PEX11G: variants seen among roughly 807,000 people sequenced by gnomAD.
PEX11G encodes peroxisomal membrane protein 11C.
In PEX11G, 20 loss-of-function variants were observed where a neutral mutation model predicts 22.5. That is an observed-to-expected ratio of 0.89 (90% CI 0.62 to 1.29). PEX11G has a LOEUF of 1.29. Ranked by LOEUF, PEX11G falls within the 50% of genes most tolerant of loss-of-function variation. The pLI is 0.00. For synonymous variants in PEX11G, 141 were observed against 154.5 expected, an observed-to-expected ratio of 0.91 and a Z score of 0.65; for missense variants, 347 against 331.3, an observed-to-expected ratio of 1.05 and a Z score of -0.37.
At chr19:7,487,430 G>T (rs115602406) in intron 1 of PEX11G, among the ~76,000 whole-genome samples, 2,728 of 152,250 alleles carry the variant, frequency 0.018, 84 homozygotes, top group African/African-American at 0.063. Flanking sequence ...TCACTACTCA[G>T]ATCTTTTTTC....
Position 7,477,018 on chromosome 19 carries a change from G to A in PEX11G, c.*184C>T. 2.1e-6 allele frequency: 1 copy of A among 469,284 alleles called. No homozygotes were observed. The highest frequency in any genetic ancestry group is 3.5e-6 in the Non-Finnish European group (1 of 281,952). 29.1% of individuals were successfully genotyped at this position (469,284 alleles called of 1,614,324 possible). On this transcript the variant is annotated 3_prime_UTR_variant, in exon 5 of 5. Transcript: ENST00000221480. ...AAGCCCTGCACGGCCCCTGAAAACT[G>A]TCACGGCTCAGGAGCTCCAGGCTGA...
At chr19:7,478,163 G>T in intron 4 of PEX11G, 151 bp downstream of exon 4, 1 of 778,564 alleles carries the variant, frequency 1.3e-6, no homozygotes, top group Non-Finnish European at 2.0e-6. Context: ...ATCTGTAAAA[G>T]GTACCGCCAC....
chr19:7,486,592 T>G (rs1051321594), intron 1 of PEX11G, among the ~76,000 whole-genome samples: 1 of 151,922 alleles, frequency 6.6e-6, no homozygotes, highest in Non-Finnish European at 1.5e-5. Context: ...CAAGACCCTG[T>G]GTCTACCAAA....
rs1260006393 is a variant in PEX11G, at chr19:7,482,024, G to A, written c.428+9C>T. The A allele has an allele frequency of 1.3e-6, 2 of 1,583,928 alleles. No homozygotes were observed. The highest frequency in any genetic ancestry group is 1.8e-5 in the Admixed American group (1 of 55,706). On this transcript the variant is annotated intron_variant, in intron 3 of 4. Transcript: ENST00000221480. ...CCTTGGGTGCTCCCTTCTGGCCCAT[G>A]CCACTTACCTGGCAACCCCCAGGAG... is the stretch of plus-strand genomic sequence containing the variant.
At chr19:7,482,284 A>G (rs879161243) in intron 2 of PEX11G, 73 bp from the exon 3 acceptor site, 1 of 1,435,778 alleles carries the variant, frequency 7.0e-7, no homozygotes, top group South Asian at 1.4e-5. Flanking sequence ...TAGCCATGCC[A>G]GGTGGCAGAG....
intron 3 of PEX11G, among the ~76,000 whole-genome samples, chr19:7,479,753 C>T (rs767938098): frequency 4.6e-5 from 7 of 152,242 alleles, no homozygotes; most frequent in Non-Finnish European, 1.0e-4. Flanking sequence ...AGGGGGGACA[C>T]GTGTCAGTGT....
At chr19:7,488,092 CAT>C (rs774081519) in intron 1 of PEX11G, among the ~76,000 whole-genome samples, 21 of 152,362 alleles carry the variant, frequency 1.4e-4, no homozygotes, top group Non-Finnish European at 1.9e-4. Context: ...TAAATCCCCA[CAT>C]GAGATTGTTT....
At position 7,476,934 on chromosome 19, in the gene PEX11G, C is replaced by T. The variant is rs892572745; in HGVS notation, c.*268G>A. 20 of 403,500 alleles carry T rather than the reference C, an allele frequency of 5.0e-5. 1 individual carries two copies. Among genetic ancestry groups the T allele is most frequent in the Admixed American group, 8.5e-5 (2 of 23,474 alleles). The allele number at this position is 403,500 out of a possible 1,614,324, so 25.0% of individuals were successfully genotyped here. A position where few individuals can be genotyped will look rare whatever the true frequency, so the allele number is the denominator to read the frequency against. ...AGCTTTCTCAAGGCACGACAGGCCC[C>T]CTCTTCCTCATCTTGATTTGGATAC... is the stretch of plus-strand genomic sequence containing the variant. On this transcript the variant is annotated 3_prime_UTR_variant, in exon 5 of 5. Transcript: ENST00000221480.
rs2021628029 is a variant in PEX11G at position 7,485,921 on chromosome 19, G to A, written c.166C>T (p.Leu56Phe). 3.1e-6 allele frequency: 5 copies of A among 1,613,830 alleles called. No individual in the cohort carries two copies. Among genetic ancestry groups the A allele is most frequent in the South Asian group, 1.1e-5 (1 of 91,060 alleles). Residue 56 changes from leucine to phenylalanine, a missense_variant, in exon 2 of 5, where the codon CTC becomes TTC. Physicochemically the swap from Leu to Phe is conservative, Grantham distance 22. Transcript: ENST00000221480. The part of the protein sequence containing the change: ...GTRLLVVSTQ[L>F]SHCRTILRLF... ...CGCAAGATGGTCCTGCAGTGGCTGA[G>A]TTGGGTGGACACCACCAACAGACGT...
intron 3 of PEX11G, among the ~76,000 whole-genome samples, chr19:7,481,601 T>G (rs1041600403): frequency 6.6e-6 from 1 of 151,912 alleles, no homozygotes; most frequent in Non-Finnish European, 1.5e-5. Flanking sequence ...AGGATGAGGG[T>G]CAGGGAAGGA....
chr19:7,489,029 CCGCGACGTCGG>C (rs1297221423), exon 1 of PEX11G: 6 of 1,503,668 alleles, frequency 4.0e-6, no homozygotes, highest in African/African-American at 8.7e-5. Flanking sequence ...CGTGACGTCA[CCGCGACGTCGG>C]CGCGCCGCGC....
chr19:7,484,419 A>G (rs1416474857), intron 2 of PEX11G, among the ~76,000 whole-genome samples: 2 of 151,994 alleles, frequency 1.3e-5, no homozygotes, highest in Non-Finnish European at 2.9e-5. Flanking sequence ...AGCACTGTTT[A>G]TGTAAACCAT....
At position 7,477,059 on chromosome 19, in the gene PEX11G, G is replaced by T; in HGVS notation, c.*143C>A. ...TCCAGGCTGAGGCCTGGGGGACCTC[G>T]CATCAGTCCCTCCACCCACCCTGCC... is the stretch of plus-strand genomic sequence containing the variant. On this transcript the variant is annotated 3_prime_UTR_variant, in exon 5 of 5. Transcript: ENST00000221480. 2 of 696,404 alleles carry T rather than the reference G, an allele frequency of 2.9e-6. No homozygotes were observed. Among genetic ancestry groups the T allele is most frequent in the Non-Finnish European group, 4.2e-6 (2 of 476,592 alleles). 43.1% of individuals were successfully genotyped at this position (696,404 alleles called of 1,614,324 possible).
At chr19:7,482,673 A>G (rs1369791237) in intron 2 of PEX11G, among the ~76,000 whole-genome samples, 1 of 152,170 alleles carries the variant, frequency 6.6e-6, no homozygotes, top group African/African-American at 2.4e-5. Flanking sequence ...GCCAGACTCT[A>G]TGCAGGGAGC....
intron 3 of PEX11G, 137 bp from the exon 4 acceptor site, chr19:7,478,513 G>T: frequency 1.2e-6 from 1 of 865,394 alleles, no homozygotes; most frequent in Non-Finnish European, 1.8e-6. Context: ...TGCCCCCACA[G>T]TCCCACACCC....
At chr19:7,479,093 G>GTGCAGGA (rs1171189162) in intron 3 of PEX11G, among the ~76,000 whole-genome samples, 1 of 152,200 alleles carries the variant, frequency 6.6e-6, no homozygotes, top group African/African-American at 2.4e-5. Context: ...GGTACCCAGG[G>GTGCAGGA]TGCAGGATGC....
At chr19:7,482,290 CAG>C (rs1977532695) in intron 2 of PEX11G, 79 bp from the exon 3 acceptor site, 1 of 1,424,016 alleles carries the variant, frequency 7.0e-7, no homozygotes, top group Non-Finnish European at 9.3e-7. Flanking sequence ...TGCCAGGTGG[CAG>C]AGAGCTATTT....
chr19:7,490,727 T>C (rs2021870867), upstream of PEX11G, among the ~76,000 whole-genome samples: 2 of 146,892 alleles, frequency 1.4e-5, no homozygotes, highest in African/African-American at 5.1e-5. Context: ...AGCCGCCACT[T>C]GTGTGCTCTC....
intron 4 of PEX11G, among the ~76,000 whole-genome samples, 189 bp downstream of exon 4, chr19:7,478,125 C>T (rs376618810): frequency 6.6e-5 from 10 of 152,252 alleles, no homozygotes; most frequent in African/African-American, 2.4e-4. Flanking sequence ...GCCCTGGAGT[C>T]CCCGCTCAAG....
Sources: allele counts gnomAD v4.1 joint callset (sites outside exome capture counted in the v4.1 genomes callset), GRCh38; gene constraint gnomAD v4.1.1; transcripts MANE v1.5; gene names NCBI Gene and HGNC (gene_info 2026-07-23, HGNC 2026-07-21).